Variants in DNAH6 observed in about 807,000 individuals in gnomAD.
DNAH6 encodes axonemal beta dynein heavy chain 6.
Under a neutral mutation model 491.4 loss-of-function variants are expected in DNAH6, and 340 were observed. That is an observed-to-expected ratio of 0.69 (90% CI 0.63 to 0.76). The LOEUF (loss-of-function observed/expected upper bound fraction) is 0.76, where lower values mean the gene tolerates loss of function less well. Among genes scored for constraint, DNAH6 ranks in the 30% least tolerant of loss-of-function variants. The pLI is 0.00. For missense variants in DNAH6, 4,443 were observed against 4,972.2 expected, an observed-to-expected ratio of 0.89 and a Z score of 3.20; for synonymous variants, 1,603 against 1,686.1, an observed-to-expected ratio of 0.95 and a Z score of 1.21.
At chr2:84,576,709 G>A (rs965702247) in intron 12 of DNAH6, among the ~76,000 whole-genome samples, 6 of 152,228 alleles carry the variant, frequency 3.9e-5, no homozygotes, top group African/African-American at 1.4e-4. Context: ...AGGAAATGGA[G>A]GCAAGAAGAT....
chr2:84,596,350 G>A (rs909157669), intron 18 of DNAH6, among the ~76,000 whole-genome samples: 2 of 151,978 alleles, frequency 1.3e-5, no homozygotes, highest in African/African-American at 4.8e-5. Flanking sequence ...TTTGTTTTTT[G>A]TTCACTTTTG....
chr2:84,687,788 C>T (rs1694422882), intron 44 of DNAH6, among the ~76,000 whole-genome samples: 1 of 152,312 alleles, frequency 6.6e-6, no homozygotes, highest in East Asian at 1.9e-4. Context: ...ACACTTCACA[C>T]CTGAATTTCA....
chr2:84,514,918 G>A (rs1172130926), upstream of DNAH6, among the ~76,000 whole-genome samples: 1 of 120,942 alleles, frequency 8.3e-6, no homozygotes, highest in African/African-American at 3.3e-5. Context: ...CTTTTGGAAT[G>A]CTTTCAGCTG....
chr2:84,749,566 C>A (rs1208110652), intron 63 of DNAH6, among the ~76,000 whole-genome samples: 3 of 152,198 alleles, frequency 2.0e-5, no homozygotes, highest in Middle Eastern at 3.2e-3. Flanking sequence ...CAAGGTTAGG[C>A]TGTTGGATGT....
intron 63 of DNAH6, among the ~76,000 whole-genome samples, chr2:84,753,715 C>T (rs1250360691): frequency 7.6e-6 from 1 of 132,144 alleles, no homozygotes; most frequent in Non-Finnish European, 1.5e-5. Context: ...CAAGATCACA[C>T]CATTGCATTC....
At chr2:84,672,588 G>T in intron 40 of DNAH6, 104 bp downstream of exon 40, 1 of 1,055,712 alleles carries the variant, frequency 9.5e-7, no homozygotes, top group Non-Finnish European at 1.4e-6. Flanking sequence ...CAGATGGGGT[G>T]GCTTACACAA....
intron 68 of DNAH6, 52 bp from the exon 69 acceptor site, chr2:84,796,254 C>T: frequency 1.7e-6 from 2 of 1,211,814 alleles, no homozygotes; most frequent in South Asian, 2.0e-5. Flanking sequence ...TTAGGTATGC[C>T]TATCAATTTT....
Position 84,670,538 on chromosome 2 carries a change from A to G in DNAH6, c.6454+63A>G. ...TTCATTAAGCTAATAAATGACATAA[A>G]TAGTGCATGTAATAAAATGACAGTT... On this transcript the variant is annotated intron_variant, in intron 39 of 76. Coordinates refer to ENST00000389394, the MANE Select transcript of DNAH6 (RefSeq NM_001370.2). The G allele has an allele frequency of 2.7e-6, 3 of 1,102,080 alleles. No individual in the cohort carries two copies. In the Admixed American group the frequency reaches 8.4e-5, roughly 31 times the overall value. 68.3% of individuals were successfully genotyped at this position (1,102,080 alleles called of 1,614,324 possible).
At position 84,547,551 on chromosome 2, in the gene DNAH6, T is replaced by C; in HGVS notation, c.1125T>C (p.Cys375=). 6.4e-7 allele frequency: 1 copy of C among 1,551,868 alleles called. No individual in the cohort carries two copies. Among genetic ancestry groups the C allele is most frequent in the South Asian group, 1.2e-5 (1 of 84,056 alleles). Residue 375 remains cysteine, a synonymous_variant, in exon 7 of 77, where the codon TGT becomes TGC. Coordinates refer to ENST00000389394, the MANE Select transcript of DNAH6 (RefSeq NM_001370.2). ...CAAAATATGTAGTCAGGAGGGCTTG[T>C]CGATTTGCTTTGCGTGCTGCAGGAT... ...NEAKYVVRRA[C]RFALRAAGFV... is the part of the protein sequence containing the mutation.
At chr2:84,694,844 G>C (rs1695224046) in intron 46 of DNAH6, among the ~76,000 whole-genome samples, 1 of 152,230 alleles carries the variant, frequency 6.6e-6, no homozygotes, top group African/African-American at 2.4e-5. Flanking sequence ...GAAAAAGTAA[G>C]GGCTATCTTT....
intron 41 of DNAH6, among the ~76,000 whole-genome samples, chr2:84,680,952 G>A (rs767883187): frequency 2.6e-5 from 4 of 152,190 alleles, no homozygotes; most frequent in South Asian, 2.1e-4. Flanking sequence ...CAAGTAAGTC[G>A]CATTTAAAAT....
the DNAH6 span, among the ~76,000 whole-genome samples, chr2:84,464,813 T>G: frequency 6.6e-6 from 1 of 152,122 alleles, no homozygotes; most frequent in South Asian, 2.1e-4. Flanking sequence ...AGCAAGGCCT[T>G]TATGACCTGT....
chr2:84,504,352 A>G, the DNAH6 span, among the ~76,000 whole-genome samples: 3 of 152,096 alleles, frequency 2.0e-5, no homozygotes, highest in African/African-American at 7.2e-5. Context: ...CAACACAGCT[A>G]TTTTGAATTC....
intron 11 of DNAH6, among the ~76,000 whole-genome samples, chr2:84,567,324 A>G (rs1255396313): frequency 6.6e-6 from 1 of 152,158 alleles, no homozygotes; most frequent in African/African-American, 2.4e-5. Flanking sequence ...CTATGGAACC[A>G]AAAAAGAGCC....
At chr2:84,487,828 T>C in the DNAH6 span, among the ~76,000 whole-genome samples, 1,083 of 152,310 alleles carry the variant, frequency 7.1e-3, 15 homozygotes, top group African/African-American at 0.024. Flanking sequence ...AACCTGTTAC[T>C]GAATTGCTGA....
rs1248563464 is a variant in DNAH6, at chr2:84,699,508, G to A, written c.7678-86G>A. 5 of 1,146,138 alleles carry A rather than the reference G, an allele frequency of 4.4e-6. No individual in the cohort carries two copies. In the East Asian group the frequency reaches 1.0e-4, roughly 24 times the overall value. 71.0% of individuals were successfully genotyped at this position (1,146,138 alleles called of 1,614,324 possible). A position where few individuals can be genotyped will look rare whatever the true frequency, so the allele number is the denominator to read the frequency against. ...TGCTGACATTTTATATTTGATATTG[G>A]GAGCCTCAGATGCATTAGCCAACAC... On this transcript the variant is annotated intron_variant, in intron 47 of 76. Coordinates refer to ENST00000389394, the MANE Select transcript of DNAH6 (RefSeq NM_001370.2).
chr2:84,604,225 G>A, intron 18 of DNAH6, 114 bp from the exon 19 acceptor site: 2 of 773,678 alleles, frequency 2.6e-6, no homozygotes, highest in Non-Finnish European at 2.1e-6. Flanking sequence ...TCTGTGGAAA[G>A]AGGGTAAGTG....
chr2:84,551,177 C>G (rs1679317409), intron 9 of DNAH6, among the ~76,000 whole-genome samples: 3 of 152,130 alleles, frequency 2.0e-5, no homozygotes, highest in Admixed American at 2.0e-4. Flanking sequence ...CCTGAGTTTC[C>G]CTTTCTTCCA....
At chr2:84,784,134 T>G (rs1676956123) in intron 65 of DNAH6, among the ~76,000 whole-genome samples, 1 of 152,222 alleles carries the variant, frequency 6.6e-6, no homozygotes, top group South Asian at 2.1e-4. Context: ...TTTTTCCAAC[T>G]TTACTTTGGC....
Sources: allele counts gnomAD v4.1 joint callset (sites outside exome capture counted in the v4.1 genomes callset), GRCh38; gene constraint gnomAD v4.1.1; transcripts MANE v1.5; gene names NCBI Gene and HGNC (gene_info 2026-07-23, HGNC 2026-07-21).